The following ICAM2 variants were observed in gnomAD, a reference collection of about 807,000 sequenced individuals.
The protein encoded by ICAM2 is intercellular adhesion molecule 2, also known as ICAM-2.
A neutral mutation model predicts 19.1 loss-of-function variants in ICAM2; 14 were observed. That is an observed-to-expected ratio of 0.73 (90% CI 0.48 to 1.15). ICAM2 has a LOEUF of 1.15. Among genes scored for constraint, ICAM2 ranks in the 50% most tolerant of loss-of-function variants. The pLI, the probability that ICAM2 is intolerant of heterozygous loss-of-function variation, is 0.00. For synonymous variants in ICAM2, 153 were observed against 152.7 expected (o/e 1.00, Z -0.01); for missense variants, 311 against 355.4 (o/e 0.88, Z 1.00).
intron 4 of ICAM2, chr17:64,003,245 A>G: frequency 2.3e-6 from 1 of 435,830 alleles, no homozygotes; most frequent in Non-Finnish European, 4.2e-6. Context: ...GGTCCCAGCC[A>G]AGCCCCTTCT....
chr17:64,002,861 GA>G lies in ICAM2; in HGVS notation c.713del (p.Phe238SerfsTer2). The G allele has an allele frequency of 6.2e-7, 1 of 1,613,954 alleles. No homozygotes were observed. Among genetic ancestry groups the G allele is most frequent in the Non-Finnish European group, 8.5e-7 (1 of 1,179,952 alleles). On this transcript the variant is annotated frameshift_variant, in exon 5 of 5. Coordinates refer to ENST00000579788, the MANE Select transcript of ICAM2 (RefSeq NM_001099789.2). LOFTEE classifies it low-confidence loss of function (END_TRUNC). ...VTVVSVLLSLFVTSVLLCFIF... is the reference protein window; with the variant it reads ...VTVVSVLLSLXVTSVLLCFIF... ...TGAAGCAGAGCAGGACAGATGTCAC[GA>G]ACAGGGACAGCAACACCGACACCAC...
chr17:64,003,586 C>A lies in ICAM2; in HGVS notation c.649+58G>T, dbSNP rs531264233. The A allele has an allele frequency of 5.3e-6, 8 of 1,514,588 alleles. No individual in the cohort carries two copies. The East Asian group carries it at 1.6e-4, about 30-fold the overall frequency. The allele number at this position is 1,514,588 out of a possible 1,614,324, so 93.8% of individuals were successfully genotyped here. ...CAAGTGGGACTCAAGATTTTTCTTCCCCCGAGGGGCTGAAAGTGACTTATC... is the reference window on the plus strand; with the variant it reads ...CAAGTGGGACTCAAGATTTTTCTTCACCCGAGGGGCTGAAAGTGACTTATC... On this transcript the variant is annotated intron_variant, in intron 4 of 4. Coordinates refer to ENST00000579788, the MANE Select transcript of ICAM2 (RefSeq NM_001099789.2).
intron 1 of ICAM2, among the ~76,000 whole-genome samples, chr17:64,007,250 C>CTTTTCT (rs144174852): frequency 5.9e-5 from 9 of 151,924 alleles, no homozygotes; most frequent in African/African-American, 9.7e-5. Context: ...ACTCAGTTTT[C>CTTTTCT]TTTTCTTTTT....
At chr17:64,003,188 T>C (rs1910924312) in intron 4 of ICAM2, 1 of 504,748 alleles carries the variant, frequency 2.0e-6, no homozygotes, top group Non-Finnish European at 3.6e-6. Flanking sequence ...TCAGCAGCCA[T>C]GGGACCAGTG....
chr17:64,011,173 T>C (rs1911437384), intron 1 of ICAM2, among the ~76,000 whole-genome samples: 1 of 151,956 alleles, frequency 6.6e-6, no homozygotes, highest in African/African-American at 2.4e-5. Context: ...AAAGAAGACA[T>C]ACAAATGGGC....
At chr17:64,004,325 T>C (rs1373892410) in intron 3 of ICAM2, 4 of 229,518 alleles carry the variant, frequency 1.7e-5, no homozygotes, top group Non-Finnish European at 3.5e-5. Context: ...AGATGGGCAT[T>C]GCTCACTGGA....
intron 1 of ICAM2, among the ~76,000 whole-genome samples, chr17:64,020,125 C>T (rs1030423738): frequency 1.3e-5 from 2 of 152,024 alleles, no homozygotes; most frequent in Admixed American, 6.6e-5. Flanking sequence ...GAACCCACCA[C>T]GCCTGCCGGG....
chr17:64,009,808 CA>C (rs1911373879), intron 1 of ICAM2, among the ~76,000 whole-genome samples: 1 of 152,188 alleles, frequency 6.6e-6, no homozygotes, highest in Non-Finnish European at 1.5e-5. Context: ...ACAGCTTGAA[CA>C]TTATAAAATG....
At position 64,002,766 on chromosome 17, in the gene ICAM2, G is replaced by A; in HGVS notation, c.809C>T (p.Pro270Leu). The change falls in exon 5 of 5, where the codon CCC (proline) becomes CTC (leucine). Residue 270 changes from proline (P) to leucine (L), a missense_variant. Coordinates refer to ENST00000579788, the MANE Select transcript of ICAM2 (RefSeq NM_001099789.2). ...TGGTTGCTATGGCCGGAAGGCCTGGGGCAGCCTCCTCCAAGCCGCTCGCAC... is the reference window on the plus strand; with the variant it reads ...TGGTTGCTATGGCCGGAAGGCCTGGAGCAGCCTCCTCCAAGCCGCTCGCAC... Reference protein sequence around the residue: ...YGVRAAWRRLPQAFRP With the variant: ...YGVRAAWRRLLQAFRP 6.2e-7 allele frequency: 1 copy of A among 1,612,210 alleles called. No homozygotes were observed. The highest frequency in any genetic ancestry group is 8.5e-7 in the Non-Finnish European group (1 of 1,179,898).
Position 64,011,862 on chromosome 17 carries a change from T to G in ICAM2, c.-44-5127A>C, listed in dbSNP as rs796771103. 3.3e-5 allele frequency among the ~76,000 whole-genome samples: 5 copies of G among 152,250 alleles called. 1 individual carries two copies. The highest frequency in any genetic ancestry group is 1.2e-4 in the African/African-American group (5 of 41,548). ...CTGTTATGGAAAATAGAATGGAGGC[T>G]CCTCAAAAAATTAAAAGTAGAACTA... On this transcript the variant is annotated intron_variant, in intron 1 of 4. Coordinates refer to ENST00000579788, the MANE Select transcript of ICAM2 (RefSeq NM_001099789.2).
At chr17:64,019,901 G>A (rs1019345373) in intron 1 of ICAM2, among the ~76,000 whole-genome samples, 5 of 151,842 alleles carry the variant, frequency 3.3e-5, no homozygotes, top group African/African-American at 1.2e-4. Flanking sequence ...GGCAGCTTCA[G>A]GTGTGTTTGG....
intron 1 of ICAM2, among the ~76,000 whole-genome samples, chr17:64,018,117 C>T (rs973090424): frequency 4.6e-5 from 7 of 151,834 alleles, no homozygotes; most frequent in Admixed American, 6.6e-5. Context: ...GCTGATCACG[C>T]GGTCAGAAGA....
chr17:64,014,753 GAA>G (rs879299206), intron 1 of ICAM2, among the ~76,000 whole-genome samples: 2,894 of 146,724 alleles, frequency 0.02, 84 homozygotes, highest in Non-Finnish European at 0.032. Context: ...AAGAAAGAAA[GAA>G]AGAAAGAAAG....
At chr17:64,015,406 G>A (rs1313595799) in intron 1 of ICAM2, among the ~76,000 whole-genome samples, 4 of 152,072 alleles carry the variant, frequency 2.6e-5, no homozygotes, top group Middle Eastern at 3.2e-3. Context: ...AGCCTAAATG[G>A]TTCTATAACT....
chr17:64,004,365 G>A (rs1009806156), intron 3 of ICAM2: 1 of 194,006 alleles, frequency 5.2e-6, no homozygotes, highest in African/African-American at 2.4e-5. Context: ...GAGCTGTGAA[G>A]TTCATCACTT....
chr17:64,002,657 C>T lies in ICAM2; in HGVS notation c.*90G>A. ...TGTCCCAAGTCTCTGCTGCCTGTCACAGTCCTTCAGCCAGGGCTGGACCTC... is the reference window on the plus strand; with the variant it reads ...TGTCCCAAGTCTCTGCTGCCTGTCATAGTCCTTCAGCCAGGGCTGGACCTC... On this transcript the variant is annotated 3_prime_UTR_variant, in exon 5 of 5. Transcript: ENST00000579788. 8.4e-7 allele frequency: 1 copy of T among 1,195,774 alleles called. No individual in the cohort carries two copies. Among genetic ancestry groups the T allele is most frequent in the Non-Finnish European group, 1.2e-6 (1 of 842,532 alleles). 74.1% of individuals were successfully genotyped at this position (1,195,774 alleles called of 1,614,324 possible). A position where few individuals can be genotyped will look rare whatever the true frequency, so the allele number is the denominator to read the frequency against.
intron 2 of ICAM2, 130 bp downstream of exon 2, chr17:64,006,501 C>G (rs1254851580): frequency 2.7e-6 from 2 of 750,826 alleles, no homozygotes; most frequent in South Asian, 3.5e-5. Flanking sequence ...TGTCTTAAAA[C>G]AAAACAAAAA....
chr17:64,019,817 C>CAA (rs11342409), intron 1 of ICAM2, among the ~76,000 whole-genome samples: 47 of 53,736 alleles, frequency 8.7e-4, no homozygotes, highest in African/African-American at 2.0e-3. Context: ...AACTCTGTCT[C>CAA]AAAAAAAAAA....
At chr17:64,014,368 AAAGAAAGAAAGGAAGGAAGG>A (rs1911585026) in intron 1 of ICAM2, among the ~76,000 whole-genome samples, 1 of 59,846 alleles carries the variant, frequency 1.7e-5, no homozygotes, top group Non-Finnish European at 3.7e-5. Context: ...AGAAAGAAAG[AAAGAAAGAAAGGAAGGAAGG>A]AAGGAAGGAA....
Sources: allele counts gnomAD v4.1 joint callset (sites outside exome capture counted in the v4.1 genomes callset), GRCh38; gene constraint gnomAD v4.1.1; transcripts MANE v1.5; gene names NCBI Gene and HGNC (gene_info 2026-07-23, HGNC 2026-07-21).